The following NRXN3 variants were observed in gnomAD, a reference collection of about 807,000 sequenced individuals.
NRXN3 encodes the protein neurexin 3, also known as neurexin III.
In NRXN3, 32 loss-of-function variants were observed where a neutral mutation model predicts 137.6. The ratio of observed to expected loss-of-function variants is 0.23; its 90% CI spans 0.18 to 0.31. NRXN3 has a LOEUF of 0.31. NRXN3 is among the 10% of genes least tolerant of loss of function. NRXN3 has a pLI of 1.00. For missense variants in NRXN3, 1,574 were observed against 2,062.5 expected, an observed-to-expected ratio of 0.76 and a Z score of 4.59; for synonymous variants, 798 against 784.5, an observed-to-expected ratio of 1.02 and a Z score of -0.29.
At position 78,966,112 on chromosome 14, in the gene NRXN3, C is replaced by T. The variant is rs1437751383; in HGVS notation, c.2483C>T (p.Pro828Leu). 6.2e-6 allele frequency: 10 copies of T among 1,614,172 alleles called. No homozygotes were observed. The highest frequency in any genetic ancestry group is 7.6e-6 in the Non-Finnish European group (9 of 1,180,026). ...GAGAAACGCTACATCTCCGTTGTCC[C>T]CTCCAGCTTTATTGGCCATCTGCAG... ...MTEKRYISVV[P>L]SSFIGHLQSL... Residue 828 changes from proline to leucine, a missense_variant, in exon 12 of 21, where the codon CCC becomes CTC. Coordinates refer to ENST00000335750, the MANE Select transcript of NRXN3 (RefSeq NM_001330195.2).
intron 15 of NRXN3, among the ~76,000 whole-genome samples, chr14:79,381,922 G>A (rs1292713405): frequency 6.6e-6 from 1 of 152,118 alleles, no homozygotes; most frequent in African/African-American, 2.4e-5. Flanking sequence ...TCCTCTGGAA[G>A]CCTGCCACAT....
At chr14:79,536,780 G>A (rs974502225) in intron 16 of NRXN3, among the ~76,000 whole-genome samples, 12 of 151,994 alleles carry the variant, frequency 7.9e-5, no homozygotes, top group Non-Finnish European at 1.8e-4. Context: ...CCCTGAAAAG[G>A]ACATGATCTT....
At chr14:79,273,094 C>T (rs1314585789) in intron 15 of NRXN3, among the ~76,000 whole-genome samples, 1 of 149,042 alleles carries the variant, frequency 6.7e-6, no homozygotes, top group African/African-American at 2.5e-5. Context: ...ATTGCTTGAA[C>T]CTGGGAGGCG....
intron 1 of NRXN3, among the ~76,000 whole-genome samples, chr14:78,192,338 C>T (rs2060826604): frequency 6.6e-6 from 1 of 152,150 alleles, no homozygotes; most frequent in African/African-American, 2.4e-5. Flanking sequence ...GGACTCAACT[C>T]AGGTAGTGGT....
At chr14:78,892,837 G>A (rs191977156) in intron 10 of NRXN3, among the ~76,000 whole-genome samples, 106 of 149,358 alleles carry the variant, frequency 7.1e-4, no homozygotes, top group Non-Finnish European at 3.9e-4. Flanking sequence ...GGAGTCACAC[G>A]GCTGCTTTTG....
intron 15 of NRXN3, chr14:79,279,288 C>T (rs770606366): frequency 2.2e-5 from 21 of 937,952 alleles, no homozygotes; most frequent in Non-Finnish European, 2.7e-5. Flanking sequence ...GCCAGTCCCT[C>T]GGCAGAGCGC....
chr14:78,949,602 TTAAA>T (rs760256165), intron 10 of NRXN3, among the ~76,000 whole-genome samples: 68 of 140,064 alleles, frequency 4.9e-4, no homozygotes, highest in East Asian at 4.7e-4. Context: ...ATTTTTTTTT[TTAAA>T]AAAAAACTAC....
intron 4 of NRXN3, among the ~76,000 whole-genome samples, chr14:78,535,862 T>C (rs35063657): frequency 0.23 from 34,869 of 152,066 alleles, 4,283 homozygotes; most frequent in Middle Eastern, 0.32. Context: ...CATCTTGCCA[T>C]TAGTAAGAAC....
rs1451215345 is a variant in NRXN3 at position 79,864,760 on chromosome 14, T to C, written c.*2796T>C. ...TTTTTTGTTTTTCGTTTTTTGTTTG[T>C]TTTTTTTTTGAGACAGAGTCTCGCT... is the stretch of plus-strand genomic sequence containing the variant. On this transcript the variant is annotated 3_prime_UTR_variant, in exon 21 of 21. Transcript: ENST00000335750. The C allele has an allele frequency of 6.8e-6, 1 of 147,056 alleles. No individual in the cohort carries two copies. Among genetic ancestry groups the C allele is most frequent in the Non-Finnish European group, 1.5e-5 (1 of 66,474 alleles). 9.1% of individuals were successfully genotyped at this position (147,056 alleles called of 1,614,324 possible). A position where few individuals can be genotyped will look rare whatever the true frequency, so the allele number is the denominator to read the frequency against.
At chr14:78,515,390 C>T (rs1162711963) in intron 4 of NRXN3, among the ~76,000 whole-genome samples, 2 of 152,032 alleles carry the variant, frequency 1.3e-5, no homozygotes, top group African/African-American at 4.8e-5. Flanking sequence ...TAAGGTTTGG[C>T]TTATTTGTTT....
chr14:79,514,182 A>T (rs1601499697), intron 16 of NRXN3, among the ~76,000 whole-genome samples: 1 of 133,196 alleles, frequency 7.5e-6, no homozygotes, highest in Admixed American at 7.3e-5. Flanking sequence ...TTTATCCACC[A>T]CCCCCTCCCC....
chr14:79,204,016 GT>G (rs1225739639), intron 15 of NRXN3, among the ~76,000 whole-genome samples: 2 of 152,062 alleles, frequency 1.3e-5, no homozygotes, highest in Non-Finnish European at 2.9e-5. Flanking sequence ...GCAGAGTTGG[GT>G]AGCGATATAT....
At chr14:78,783,512 G>T (rs2098777427) in intron 8 of NRXN3, among the ~76,000 whole-genome samples, 1 of 152,040 alleles carries the variant, frequency 6.6e-6, no homozygotes, top group South Asian at 2.1e-4. Context: ...TTTGAATAAG[G>T]CCTGAAGTTT....
rs570643578 is a variant in NRXN3, at chr14:79,705,471, A to G, written c.4014+7534A>G. Among the ~76,000 whole-genome samples the G allele has an allele frequency of 3.3e-5, 5 of 152,288 alleles. No individual in the cohort carries two copies. The South Asian group carries it at 8.3e-4, about 25-fold the overall frequency. On this transcript the variant is annotated intron_variant, in intron 19 of 20. Coordinates refer to ENST00000335750, the MANE Select transcript of NRXN3 (RefSeq NM_001330195.2). Reference sequence around the variant, plus strand: ...CTTAGATTTTCATCTTAAAATTGATATTTGACTTTTTGCTTTTGCAGATTT... The same window carrying G: ...CTTAGATTTTCATCTTAAAATTGATGTTTGACTTTTTGCTTTTGCAGATTT...
intron 4 of NRXN3, among the ~76,000 whole-genome samples, chr14:78,362,612 T>G (rs933270980): frequency 3.3e-5 from 5 of 152,136 alleles, no homozygotes; most frequent in African/African-American, 1.2e-4. Flanking sequence ...GAAAGATATA[T>G]CAATAATTAT....
rs1010156343 is a variant in NRXN3 at position 78,781,603 on chromosome 14, C to T, written c.2045-22017C>T. On this transcript the variant is annotated intron_variant, in intron 8 of 20. Transcript: ENST00000335750. ...ATGACTCAACCAAATTATATATGAC[C>T]GCATAGCATGACATTCAGCCTCATT... Among the ~76,000 whole-genome samples, 6 of 152,184 alleles carry T rather than the reference C, an allele frequency of 3.9e-5. No individual in the cohort carries two copies. In the East Asian group the frequency reaches 5.8e-4, roughly 15 times the overall value.
At chr14:78,810,220 T>C in intron 9 of NRXN3, 98 bp from the exon 10 acceptor site, 1 of 724,162 alleles carries the variant, frequency 1.4e-6, no homozygotes, top group South Asian at 1.7e-5. Context: ...TTCTTACGTG[T>C]GTCTGTCCCC....
intron 4 of NRXN3, among the ~76,000 whole-genome samples, chr14:78,487,645 G>A (rs1039403797): frequency 9.9e-5 from 15 of 151,974 alleles, no homozygotes; most frequent in African/African-American, 2.9e-4. Flanking sequence ...AGGAGGCTAA[G>A]GCATAAGAAT....
intron 4 of NRXN3, among the ~76,000 whole-genome samples, chr14:78,431,189 C>T (rs1465533566): frequency 6.6e-6 from 1 of 152,124 alleles, no homozygotes; most frequent in African/African-American, 2.4e-5. Flanking sequence ...CTCTTTATTA[C>T]CAGAGGGTAC....
Sources: gnomAD v4.1 joint callset for allele counts (sites outside exome capture counted in the v4.1 genomes callset) on GRCh38, gnomAD v4.1.1 for gene constraint, MANE v1.5 for transcripts, NCBI Gene and HGNC (gene_info 2026-07-23, HGNC 2026-07-21) for gene names.